Variants in LRBA observed in about 807,000 individuals in gnomAD.
LRBA encodes the protein lipopolysaccharide-responsive and beige-like anchor protein.
In LRBA, 176 loss-of-function variants were observed where a neutral mutation model predicts 330.0. The observed-to-expected ratio is 0.53, with a 90% confidence interval of 0.47 to 0.60. The LOEUF is 0.60. Ranked by LOEUF, LRBA falls within the 20% of genes least tolerant of loss-of-function variation. The probability of loss-of-function intolerance (pLI) is 0.00; values close to 1 mark genes in which losing one functional copy is unlikely to be tolerated. For synonymous variants in LRBA, 1,230 were observed against 1,193.0 expected (o/e 1.03, Z -0.64); for missense variants, 3,259 against 3,444.8 (o/e 0.95, Z 1.35).
At chr4:150,707,325 T>C (rs1785725879) in intron 36 of LRBA, among the ~76,000 whole-genome samples, 1 of 151,704 alleles carries the variant, frequency 6.6e-6, no homozygotes, top group Admixed American at 6.6e-5. Context: ...AGACATGAGA[T>C]TGTTAAAACA....
intron 40 of LRBA, among the ~76,000 whole-genome samples, chr4:150,559,300 T>C (rs1031666381): frequency 5.9e-5 from 9 of 151,742 alleles, no homozygotes; most frequent in African/African-American, 2.2e-4. Context: ...TGGTGGCTCA[T>C]GCCTGTAATC....
intron 40 of LRBA, chr4:150,581,667 G>C (rs1771357294): frequency 6.5e-6 from 1 of 154,320 alleles, no homozygotes; most frequent in Admixed American, 6.5e-5. Flanking sequence ...TAAGAGAGGA[G>C]GATAAAGAGG....
intron 2 of LRBA, among the ~76,000 whole-genome samples, chr4:151,000,866 G>A (rs538104624): frequency 2.2e-4 from 34 of 152,216 alleles, no homozygotes; most frequent in Non-Finnish European, 4.4e-4. Flanking sequence ...AAAGGAAGGA[G>A]AGGGAAACAA....
At chr4:150,427,869 T>A (rs908091512) in intron 46 of LRBA, among the ~76,000 whole-genome samples, 2 of 151,978 alleles carry the variant, frequency 1.3e-5, no homozygotes, top group Non-Finnish European at 2.9e-5. Flanking sequence ...ACGGGCCTAA[T>A]GTTGATGATA....
chr4:150,294,559 A>C (rs115395058), intron 53 of LRBA, among the ~76,000 whole-genome samples: 2,552 of 152,306 alleles, frequency 0.017, 68 homozygotes, highest in African/African-American at 0.055. Context: ...CTAACAGTAG[A>C]TACCACACAG....
At chr4:150,581,925 GGA>G in intron 40 of LRBA, 1 of 151,256 alleles carries the variant, frequency 6.6e-6, no homozygotes, top group Non-Finnish European at 1.5e-5. Flanking sequence ...AAACAGCGAG[GGA>G]GAGAGAGAAA....
chr4:150,483,457 C>G (rs1757524148), intron 42 of LRBA, among the ~76,000 whole-genome samples: 1 of 150,872 alleles, frequency 6.6e-6, no homozygotes, highest in African/African-American at 2.4e-5. Flanking sequence ...TACAATTTCA[C>G]TTAAATTTTA....
chr4:150,389,911 A>ATTTT (rs34355782), intron 47 of LRBA, among the ~76,000 whole-genome samples: 2 of 111,720 alleles, frequency 1.8e-5, no homozygotes, highest in Admixed American at 9.9e-5. Flanking sequence ...TTGTCTGGGT[A>ATTTT]TTTTTTTTTT....
intron 30 of LRBA, among the ~76,000 whole-genome samples, chr4:150,827,704 C>T (rs1161307397): frequency 2.0e-5 from 3 of 151,368 alleles, no homozygotes; most frequent in South Asian, 2.1e-4. Flanking sequence ...TGGGTTCAAG[C>T]GATTCTCCTG....
At chr4:150,578,967 C>T in intron 40 of LRBA, 1 of 285,152 alleles carries the variant, frequency 3.5e-6, no homozygotes, top group Non-Finnish European at 6.8e-6. Flanking sequence ...CCTGCAGCCT[C>T]CCTAATGAAT....
chr4:150,998,751 G>A (rs982255360), intron 2 of LRBA, among the ~76,000 whole-genome samples: 1 of 152,134 alleles, frequency 6.6e-6, no homozygotes, highest in African/African-American at 2.4e-5. Context: ...ATACAAGGTT[G>A]CTTTCTAAGA....
Position 150,570,147 on chromosome 4 carries a change from A to T in LRBA, c.6330+17901T>A, listed in dbSNP as rs1015211703. 4.6e-5 allele frequency among the ~76,000 whole-genome samples: 7 copies of T among 152,126 alleles called. No individual in the cohort carries two copies. In the South Asian group the frequency reaches 8.3e-4, roughly 18 times the overall value. The stretch of plus-strand genomic sequence containing the variant: ...TTCACTGAACACTAAAGCATAATAC[A>T]CTTACTTCAGAAAAGAAAATGTTGC... On this transcript the variant is annotated intron_variant, in intron 40 of 56. Coordinates refer to ENST00000651943, the MANE Select transcript of LRBA (RefSeq NM_001364905.1).
chr4:150,616,625 C>T (rs935868855), intron 37 of LRBA, among the ~76,000 whole-genome samples: 1 of 151,984 alleles, frequency 6.6e-6, no homozygotes, highest in Admixed American at 6.6e-5. Context: ...TCTCTGGTGA[C>T]CTTGAAAAGA....
chr4:150,783,577 T>C (rs1013323850), intron 34 of LRBA, among the ~76,000 whole-genome samples: 1 of 152,216 alleles, frequency 6.6e-6, no homozygotes, highest in Non-Finnish European at 1.5e-5. Flanking sequence ...AGCTTCTAAA[T>C]GAAGAATTTA....
intron 28 of LRBA, among the ~76,000 whole-genome samples, chr4:150,839,178 C>T (rs1296655127): frequency 3.3e-5 from 5 of 152,238 alleles, no homozygotes; most frequent in Admixed American, 3.3e-4. Flanking sequence ...CAAATCAAGA[C>T]CACAATGAGA....
Position 150,369,370 on chromosome 4 carries a change from T to C in LRBA, c.7195-19211A>G, listed in dbSNP as rs889284450. Among the ~76,000 whole-genome samples the C allele has an allele frequency of 5.3e-5, 8 of 152,262 alleles. No individual in the cohort carries two copies. In the East Asian group the frequency reaches 1.2e-3, roughly 22 times the overall value. On this transcript the variant is annotated intron_variant, in intron 47 of 56. Coordinates refer to ENST00000651943, the MANE Select transcript of LRBA (RefSeq NM_001364905.1). ...TAGGAGATAACCAGTGGTGCTAACC[T>C]GATATAATTTAGCTGAAAGCACAAG...
At chr4:150,352,334 A>G (rs1049215248) in intron 47 of LRBA, among the ~76,000 whole-genome samples, 1 of 152,236 alleles carries the variant, frequency 6.6e-6, no homozygotes, top group South Asian at 2.1e-4. Context: ...TATGAAAAAG[A>G]AATGTTTATA....
intron 35 of LRBA, among the ~76,000 whole-genome samples, chr4:150,745,141 G>C (rs1371281108): frequency 2.0e-5 from 3 of 152,156 alleles, no homozygotes; most frequent in Non-Finnish European, 4.4e-5. Context: ...CCAAGCTCCA[G>C]AAAGAAATGC....
intron 31 of LRBA, among the ~76,000 whole-genome samples, chr4:150,810,829 T>G (rs1169775182): frequency 7.9e-5 from 12 of 152,180 alleles, no homozygotes; most frequent in Admixed American, 7.9e-4. Flanking sequence ...CTCGAACTCT[T>G]GGTCTCAAGC....
Sources: gnomAD v4.1 joint callset for allele counts (sites outside exome capture counted in the v4.1 genomes callset) on GRCh38, gnomAD v4.1.1 for gene constraint, MANE v1.5 for transcripts, NCBI Gene and HGNC (gene_info 2026-07-23, HGNC 2026-07-21) for gene names.